Variants in PCGF3 observed in about 807,000 individuals in gnomAD.
PCGF3 encodes the protein polycomb group RING finger protein 3.
PCGF3 carries 7 observed loss-of-function variants against 33.1 expected under a neutral mutation model. The observed-to-expected ratio is 0.21, with a 90% CI of 0.12 to 0.40. The LOEUF is 0.40. Ranked by LOEUF, PCGF3 falls within the 10% of genes least tolerant of loss-of-function variation. The pLI is 1.00. For missense variants in PCGF3, 211 were observed against 313.3 expected (o/e 0.67, Z 2.46); for synonymous variants, 153 against 121.3 (o/e 1.26, Z -1.72).
chr4:722,741 G>A (rs76625706), intron 1 of PCGF3, among the ~76,000 whole-genome samples: 3,850 of 34,552 alleles, frequency 0.11, 704 homozygotes, highest in African/African-American at 0.2. Flanking sequence ...CACCCACGCC[G>A]GGTCCACACT....
At chr4:763,894 G>A (rs1049342135) in intron 9 of PCGF3, among the ~76,000 whole-genome samples, 1 of 152,204 alleles carries the variant, frequency 6.6e-6, no homozygotes, top group Non-Finnish European at 1.5e-5. Flanking sequence ...GAGCAGTCGG[G>A]CCAAGAGCAG....
intron 5 of PCGF3, 111 bp from the exon 6 acceptor site, chr4:737,355 A>G: frequency 1.3e-6 from 1 of 741,418 alleles, no homozygotes. Flanking sequence ...GTAAAATTCC[A>G]ACAAAGCTCC....
chr4:724,650 C>T (rs970588144), intron 1 of PCGF3, among the ~76,000 whole-genome samples: 2 of 152,090 alleles, frequency 1.3e-5, no homozygotes, highest in African/African-American at 4.8e-5. Context: ...GTGGTGAAAC[C>T]CCCGTCTCTA....
In PCGF3 at chr4:719,186, C is replaced by G. The variant is rs535336143; in HGVS notation, c.-189-11444C>G. On this transcript the variant is annotated intron_variant, in intron 1 of 10. Transcript: ENST00000362003. ...GTCAGGCTGGTGTCGAACTCCTGAC[C>G]TTGTGATCTGCCTGCCTGGGCCTCC... is the stretch of plus-strand genomic sequence containing the variant. 7.2e-5 allele frequency among the ~76,000 whole-genome samples: 11 copies of G among 152,240 alleles called. No individual in the cohort carries two copies. In the South Asian group the frequency reaches 2.3e-3, roughly 32 times the overall value.
chr4:768,293 C>G lies in PCGF3; in HGVS notation c.*2214C>G, dbSNP rs956270718. 2.0e-5 allele frequency: 3 copies of G among 152,678 alleles called. No homozygotes were observed. The South Asian group carries it at 6.2e-4, about 32-fold the overall frequency. The allele number at this position is 152,678 out of a possible 1,614,324, so 9.5% of individuals were successfully genotyped here. ...ACTACAGGACTCGGCCCTGGGGCCT[C>G]TGCCTCTCGTCTGACCTTGCAGCCT... On this transcript the variant is annotated 3_prime_UTR_variant, in exon 11 of 11. Coordinates refer to ENST00000362003, the Ensembl canonical transcript of PCGF3.
intron 4 of PCGF3, 149 bp from the exon 5 acceptor site, chr4:734,782 C>T (rs1202246624): frequency 6.4e-6 from 9 of 1,405,804 alleles, no homozygotes; most frequent in Non-Finnish European, 7.5e-6. Flanking sequence ...CAAGATGTTT[C>T]CTTTCAGAAG....
intron 8 of PCGF3, among the ~76,000 whole-genome samples, chr4:749,253 C>A (rs1259755781): frequency 6.6e-6 from 1 of 152,156 alleles, no homozygotes; most frequent in African/African-American, 2.4e-5. Context: ...CAACCTCTGC[C>A]TCCCATGTTC....
At chr4:714,480 C>T (rs754485098) in intron 1 of PCGF3, among the ~76,000 whole-genome samples, 14 of 152,238 alleles carry the variant, frequency 9.2e-5, no homozygotes, top group Non-Finnish European at 1.8e-4. Flanking sequence ...GACCCTAGGA[C>T]GGTGGCACCT....
Position 727,233 on chromosome 4 carries a change from C to CTTTTTTTTTTTTTTTTTTTTT in PCGF3, c.-189-3392_-189-3372dup, listed in dbSNP as rs57690550. Among the ~76,000 whole-genome samples the CTTTTTTTTTTTTTTTTTTTTT allele has an allele frequency of 1.5e-4, 9 of 61,900 alleles. 3 individuals are homozygous for CTTTTTTTTTTTTTTTTTTTTT. The highest frequency in any genetic ancestry group is 2.3e-4 in the Non-Finnish European group (8 of 34,634). The allele number at this position is 61,900 out of a possible 152,430, so 40.6% of individuals were successfully genotyped here. On this transcript the variant is annotated intron_variant, in intron 1 of 10. Coordinates refer to ENST00000362003, the Ensembl canonical transcript of PCGF3. The stretch of plus-strand genomic sequence containing the variant: ...AGAGGATGTGTGTGTTAGCGAGCGT[C>CTTTTTTTTTTTTTTTTTTTTT]TTTTTTTTTTTTTTTTTTTTTTTTT...
intron 8 of PCGF3, among the ~76,000 whole-genome samples, chr4:748,750 C>T (rs1381204063): frequency 1.3e-5 from 2 of 152,270 alleles, no homozygotes; most frequent in African/African-American, 2.4e-5. Flanking sequence ...GGTGGCTTGG[C>T]GGCTCTCCTG....
chr4:761,150 A>C (rs1323515185), intron 8 of PCGF3, 129 bp from the exon 9 acceptor site: 1 of 606,756 alleles, frequency 1.6e-6, no homozygotes, highest in African/African-American at 1.9e-5. Context: ...TTGAAGTCAA[A>C]GCAGATGTCT....
chr4:761,470 G>A, intron 9 of PCGF3, 54 bp downstream of exon 9: 3 of 1,493,336 alleles, frequency 2.0e-6, no homozygotes, highest in Non-Finnish European at 1.8e-6. Flanking sequence ...TATTTCTAAA[G>A]GTAACTCCAA....
chr4:728,898 G>A (rs553521952), intron 1 of PCGF3, among the ~76,000 whole-genome samples: 81 of 151,810 alleles, frequency 5.3e-4, no homozygotes, highest in Non-Finnish European at 8.2e-4. Flanking sequence ...CCAGGAGTTC[G>A]AGACCAGCCT....
exon 11 of PCGF3, chr4:769,393 AAAAT>A (rs1745522501): frequency 1.3e-5 from 2 of 152,720 alleles, no homozygotes; most frequent in South Asian, 4.1e-4. Context: ...CAAAACATGG[AAAAT>A]AAGTTTAGTG....
intron 7 of PCGF3, 36 bp from the exon 8 acceptor site, chr4:744,564 A>T: frequency 2.8e-6 from 4 of 1,431,420 alleles, no homozygotes; most frequent in Non-Finnish European, 3.9e-6. Context: ...GACAGTTTGG[A>T]TTTCATGGTG....
intron 5 of PCGF3, 92 bp downstream of exon 5, chr4:735,119 T>G: frequency 7.3e-7 from 1 of 1,360,612 alleles, no homozygotes; most frequent in Non-Finnish European, 1.0e-6. Flanking sequence ...AGCGCTGTAC[T>G]CCCATCCTGC....
In PCGF3 at chr4:713,099, G is replaced by A. The variant is rs561805110; in HGVS notation, c.-190+7129G>A. On this transcript the variant is annotated intron_variant, in intron 1 of 10. Transcript: ENST00000362003. ...TGGCCAAGTGGGTCCTATGTTCTTC[G>A]TGGGTCCTGTGTGGTCTGGTGGGGG... Among the ~76,000 whole-genome samples, 133 of 146,950 alleles carry A rather than the reference G, an allele frequency of 9.1e-4. 1 individual carries two copies. The highest frequency in any genetic ancestry group is 3.3e-3 in the African/African-American group (123 of 37,616).
intron 8 of PCGF3, among the ~76,000 whole-genome samples, chr4:756,777 A>ACTCACTC (rs945921047): frequency 6.6e-6 from 1 of 151,530 alleles, no homozygotes; most frequent in African/African-American, 2.4e-5. Context: ...CCCATTAAAC[A>ACTCACTC]CTCACTCCCC....
chr4:733,034 G>A (rs1743670996), intron 3 of PCGF3, among the ~76,000 whole-genome samples: 1 of 151,928 alleles, frequency 6.6e-6, no homozygotes, highest in Admixed American at 6.5e-5. Context: ...TGCCCACCCT[G>A]TGAGGGTAGG....
Sources: allele counts gnomAD v4.1 joint callset (sites outside exome capture counted in the v4.1 genomes callset), GRCh38; gene constraint gnomAD v4.1.1; transcripts MANE v1.5; gene names NCBI Gene and HGNC (gene_info 2026-07-23, HGNC 2026-07-21).